Variants in AK7 observed in about 807,000 individuals in gnomAD.
AK7 encodes adenylate kinase 7.
Under a neutral mutation model 96.6 loss-of-function variants are expected in AK7, and 78 were observed. That is an observed-to-expected ratio of 0.81 (90% confidence interval 0.67 to 0.97). AK7 has a LOEUF of 0.97. Ranked by LOEUF, AK7 falls within the 50% of genes least tolerant of loss-of-function variation. AK7 has a pLI of 0.00. For synonymous variants in AK7, 302 were observed against 317.2 expected (o/e 0.95, Z 0.51); for missense variants, 855 against 887.9 (o/e 0.96, Z 0.47).
chr14:96,483,405 G>A (rs955694126), intron 16 of AK7, among the ~76,000 whole-genome samples, 186 bp downstream of exon 16: 4 of 151,530 alleles, frequency 2.6e-5, no homozygotes, highest in African/African-American at 9.7e-5. Context: ...ATGGTCTTTT[G>A]CTTAGTTTTT....
chr14:96,413,371 C>G (rs777223471), intron 4 of AK7, among the ~76,000 whole-genome samples: 2 of 152,218 alleles, frequency 1.3e-5, no homozygotes, highest in Non-Finnish European at 2.9e-5. Context: ...CTGCTCCCAA[C>G]TGGGTTTGGC....
chr14:96,432,848 G>A (rs965709192), intron 5 of AK7, among the ~76,000 whole-genome samples: 2 of 145,458 alleles, frequency 1.4e-5, no homozygotes, highest in African/African-American at 5.2e-5. Context: ...AAAAAAAATA[G>A]CCGGGCATGT....
chr14:96,397,474 C>T (rs1890147201), intron 1 of AK7, among the ~76,000 whole-genome samples: 1 of 152,154 alleles, frequency 6.6e-6, no homozygotes, highest in Admixed American at 6.5e-5. Context: ...GTGTCGAGCT[C>T]CTGACCTCAA....
Position 96,482,913 on chromosome 14 carries a change from G to C in AK7, c.1754-86G>C, listed in dbSNP as rs192990431. The C allele has an allele frequency of 5.3e-5, 69 of 1,311,970 alleles. No homozygotes were observed. The Admixed American group carries it at 7.6e-4, about 14-fold the overall frequency. The allele number at this position is 1,311,970 out of a possible 1,614,324, so 81.3% of individuals were successfully genotyped here. A position where few individuals can be genotyped will look rare whatever the true frequency, so the allele number is the denominator to read the frequency against. ...GTGGTAATTTACATAATTGACTATCGCAAGTTTATAGTAATAAAGAATTTT... is the reference window on the plus strand; with the variant it reads ...GTGGTAATTTACATAATTGACTATCCCAAGTTTATAGTAATAAAGAATTTT... On this transcript the variant is annotated intron_variant, in intron 15 of 17. Coordinates refer to ENST00000267584, the MANE Select transcript of AK7 (RefSeq NM_152327.5).
chr14:96,437,665 G>A (rs1348637442), intron 5 of AK7, among the ~76,000 whole-genome samples, 170 bp from the exon 6 acceptor site: 1 of 152,098 alleles, frequency 6.6e-6, no homozygotes, highest in Non-Finnish European at 1.5e-5. Flanking sequence ...ATAGTGCGGG[G>A]GTGTCGTTTC....
chr14:96,447,611 A>G (rs761167936), intron 8 of AK7, among the ~76,000 whole-genome samples: 1 of 151,372 alleles, frequency 6.6e-6, no homozygotes, highest in Non-Finnish European at 1.5e-5. Flanking sequence ...GGTAAGCCAC[A>G]GTGCCTGGCT....
At chr14:96,423,936 G>T (rs1891864177) in intron 5 of AK7, 6 of 1,064,078 alleles carry the variant, frequency 5.6e-6, no homozygotes, top group Non-Finnish European at 8.7e-6. Context: ...TGATGTCACT[G>T]CCCTTCATGT....
At chr14:96,430,865 T>C (rs1461198756) in intron 5 of AK7, among the ~76,000 whole-genome samples, 2 of 152,192 alleles carry the variant, frequency 1.3e-5, no homozygotes, top group East Asian at 1.9e-4. Flanking sequence ...CTCCTCTTTG[T>C]ACCTCTGGTA....
Position 96,441,213 on chromosome 14 carries a change from T to C in AK7, c.691-1517T>C, listed in dbSNP as rs74245042. On this transcript the variant is annotated intron_variant, in intron 6 of 17. Coordinates refer to ENST00000267584, the MANE Select transcript of AK7 (RefSeq NM_152327.5). ...TGTGTCAGGTGAGCCTAGGGATGAC[T>C]TTGAGTTCTGTCCTTGTCCTGTACC... Among the ~76,000 whole-genome samples the C allele has an allele frequency of 2.3e-3, 348 of 152,320 alleles. 10 individuals are homozygous for C. In the South Asian group the frequency reaches 0.05, roughly 22 times the overall value.
chr14:96,486,937 T>C lies in AK7; in HGVS notation c.2014T>C (p.Leu672=). ...LEEVKREERE[L]LEAQSIPLRN... is the part of the protein sequence containing the mutation. Reference sequence around the variant, plus strand: ...GGAAGTGAAAAGAGAAGAAAGAGAATTACTGGAGGCTCAGTCAATTCCCCT... The same window carrying C: ...GGAAGTGAAAAGAGAAGAAAGAGAACTACTGGAGGCTCAGTCAATTCCCCT... Residue 672 remains leucine (L), a synonymous_variant, in exon 17 of 18, where the codon TTA becomes CTA. Coordinates refer to ENST00000267584, the MANE Select transcript of AK7 (RefSeq NM_152327.5). The C allele has an allele frequency of 6.2e-7, 1 of 1,614,028 alleles. No homozygotes were observed. The highest frequency in any genetic ancestry group is 8.5e-7 in the Non-Finnish European group (1 of 1,179,912).
chr14:96,404,202 G>T (rs971331265), intron 2 of AK7, among the ~76,000 whole-genome samples: 2 of 144,350 alleles, frequency 1.4e-5, no homozygotes, highest in Non-Finnish European at 3.0e-5. Context: ...AAGCAGCAAA[G>T]TTACTTCTAT....
In AK7 at chr14:96,485,442, G is replaced by T. The variant is rs182849476; in HGVS notation, c.1975-1456G>T. ...TCTCTCTGTAGGTATGTGGCCTTGT[G>T]CAAGCTCCTGTCTGTGTCTCAGTTT... On this transcript the variant is annotated intron_variant, in intron 16 of 17. Transcript: ENST00000267584. Among the ~76,000 whole-genome samples the T allele has an allele frequency of 3.9e-5, 6 of 152,266 alleles. No homozygotes were observed. In the East Asian group the frequency reaches 1.2e-3, roughly 29 times the overall value.
intron 5 of AK7, among the ~76,000 whole-genome samples, chr14:96,432,806 A>C (rs1892429918): frequency 6.7e-6 from 1 of 149,066 alleles, no homozygotes; most frequent in Non-Finnish European, 1.5e-5. Flanking sequence ...AACACAGTGA[A>C]ACCCTATCTC....
intron 5 of AK7, among the ~76,000 whole-genome samples, chr14:96,425,437 G>T (rs1276452829): frequency 2.0e-5 from 3 of 150,880 alleles, no homozygotes; most frequent in Admixed American, 2.0e-4. Flanking sequence ...GTCCTGAATT[G>T]CCTGATACCA....
intron 8 of AK7, among the ~76,000 whole-genome samples, chr14:96,448,497 G>A (rs985393562): frequency 3.3e-5 from 5 of 151,488 alleles, no homozygotes; most frequent in Non-Finnish European, 7.4e-5. Context: ...AGGCTTGGTG[G>A]TGCACATCTA....
intron 12 of AK7, among the ~76,000 whole-genome samples, chr14:96,470,625 T>G (rs984990017): frequency 6.6e-6 from 1 of 152,068 alleles, no homozygotes; most frequent in African/African-American, 2.4e-5. Context: ...AGGTCAGAAA[T>G]GCCAACTGGA....
chr14:96,404,457 A>C (rs1048838649), intron 2 of AK7, among the ~76,000 whole-genome samples: 2 of 152,206 alleles, frequency 1.3e-5, no homozygotes, highest in Non-Finnish European at 2.9e-5. Flanking sequence ...ATTTTCTTTC[A>C]GTGTGTTCTA....
At chr14:96,408,194 A>G (rs1030484322) in intron 3 of AK7, among the ~76,000 whole-genome samples, 1 of 152,172 alleles carries the variant, frequency 6.6e-6, no homozygotes, top group Non-Finnish European at 1.5e-5. Context: ...GGGTTGCCTT[A>G]TGGGAACTCC....
intron 4 of AK7, among the ~76,000 whole-genome samples, chr14:96,413,403 G>A (rs994670164): frequency 2.0e-5 from 3 of 152,192 alleles, no homozygotes; most frequent in African/African-American, 7.2e-5. Context: ...ACTGGTGAGA[G>A]GATAGGGGAA....
Sources: allele counts gnomAD v4.1 joint callset (sites outside exome capture counted in the v4.1 genomes callset), GRCh38; gene constraint gnomAD v4.1.1; transcripts MANE v1.5; gene names NCBI Gene and HGNC (gene_info 2026-07-23, HGNC 2026-07-21).